The following HIPK1 variants were observed in gnomAD, a reference collection of about 807,000 sequenced individuals.
HIPK1 encodes the protein homeodomain interacting protein kinase 1.
Under a neutral mutation model 117.1 loss-of-function variants are expected in HIPK1, and 28 were observed. The ratio of observed to expected loss-of-function variants is 0.24; its 90% CI spans 0.18 to 0.33. The LOEUF (loss-of-function observed/expected upper bound fraction) is 0.33, where lower values mean the gene tolerates loss of function less well. Among genes scored for constraint, HIPK1 ranks in the 10% least tolerant of loss-of-function variants. HIPK1 has a pLI of 1.00. For missense variants in HIPK1, 1,122 were observed against 1,475.1 expected (o/e 0.76, Z 3.92); for synonymous variants, 605 against 562.5 (o/e 1.08, Z -1.07).
Position 113,970,137 on chromosome 1 carries a change from A to C in HIPK1, c.2953A>C (p.Ile985Leu). The change falls in exon 14 of 16, where the codon ATC (isoleucine) becomes CTC (leucine). Residue 985 changes from isoleucine (I) to leucine (L), a missense_variant. Ile to Leu is a conservative substitution (Grantham distance 5). Around this residue, in one of 6 missense-constraint regions of HIPK1, gnomAD observed 731 missense variants for 860.4 expected, o/e 0.85. Transcript: ENST00000426820. Reference protein sequence around the residue: ...VVADGTGTRTIIVPPLKTQLG... With the variant: ...VVADGTGTRTLIVPPLKTQLG... ...GGCAGATGGCACTGGCACCCGCACT[A>C]TCATTGTGCCTCCACTGAAAACTCA... The C allele has an allele frequency of 6.2e-7, 1 of 1,614,156 alleles. No individual in the cohort carries two copies. Among genetic ancestry groups the C allele is most frequent in the South Asian group, 1.1e-5 (1 of 91,084 alleles).
At chr1:113,933,179 C>G in intron 1 of HIPK1, 3 of 985,152 alleles carry the variant, frequency 3.0e-6, no homozygotes, top group Non-Finnish European at 3.6e-6. Flanking sequence ...GATTTTGATA[C>G]AAAGCAACAG....
Position 113,955,632 on chromosome 1 carries a change from T to G in HIPK1, c.1390T>G (p.Leu464Val), listed in dbSNP as rs1183306641. 6.3e-7 allele frequency: 1 copy of G among 1,595,948 alleles called. No individual in the cohort carries two copies. ...AGCTCGGAAGTACATTTTTAATTGC[T>G]TAGATGACATGGCTCAGGTGAGTAC... ...KEARKYIFNC[L>V]DDMAQVNMST... The change falls in exon 5 of 16, where the codon TTA (leucine) becomes GTA (valine). Residue 464 changes from leucine (L) to valine (V), a missense_variant. Leu to Val is a conservative substitution (Grantham distance 32). Around this residue, in one of 6 missense-constraint regions of HIPK1, gnomAD observed 127 missense variants for 197.9 expected, o/e 0.64. Transcript: ENST00000426820.
chr1:113,941,089 A>T lies in HIPK1; in HGVS notation c.706A>T (p.Ser236Cys), dbSNP rs747566932. ...TGCCAGACAAGGACAGATTGAAGTG[A>T]GCATCCTTTCCCGCCTAAGCAGTGA... is the stretch of plus-strand genomic sequence containing the variant. ...SYARQGQIEV[S>C]ILSRLSSENA... Residue 236 changes from serine (S) to cysteine (C), a missense_variant, in exon 2 of 16, where the codon AGC (serine) becomes TGC (cysteine). Transcript: ENST00000426820. This position sits in a 1 kb window ranked among gnomAD's most constrained non-coding sequence, Gnocchi z 4.9. 2.5e-6 allele frequency: 4 copies of T among 1,614,128 alleles called. No individual in the cohort carries two copies. Among genetic ancestry groups the T allele is most frequent in the Non-Finnish European group, 3.4e-6 (4 of 1,180,058 alleles).
rs771005551 is a variant in HIPK1, at chr1:113,967,756, G to C, written c.2382-10G>C. 5.4e-6 allele frequency: 8 copies of C among 1,477,878 alleles called. No individual in the cohort carries two copies. The African/African-American group carries it at 8.7e-5, about 16-fold the overall frequency. 91.5% of individuals were successfully genotyped at this position (1,477,878 alleles called of 1,614,324 possible). On this transcript the variant is annotated splice_polypyrimidine_tract_variant and intron_variant, in intron 11 of 15. Transcript: ENST00000426820. ...GGAATTCACTCTTCTCTTTCTTTCT[G>C]TTGGTACAGGAATGCCCACTCTCAT...
chr1:113,933,209 G>A, intron 1 of HIPK1: 1 of 985,054 alleles, frequency 1.0e-6, no homozygotes, highest in East Asian at 1.1e-4. Flanking sequence ...CACTGAAGAA[G>A]TGAGCTTTAA....
chr1:113,975,606 A>G lies in HIPK1; in HGVS notation c.*2094A>G, dbSNP rs1335961642. 1 of 152,742 alleles carries G rather than the reference A, an allele frequency of 6.5e-6. No homozygotes were observed. Among genetic ancestry groups the G allele is most frequent in the African/African-American group, 2.4e-5 (1 of 41,440 alleles). The allele number at this position is 152,742 out of a possible 1,614,324, so 9.5% of individuals were successfully genotyped here. ...TTTGCTTGTTGAAAAAAACATGTTA[A>G]CAGATGTGTTTATACCAAAGAGCCT... On this transcript the variant is annotated 3_prime_UTR_variant, in exon 16 of 16. Transcript: ENST00000426820.
At chr1:113,958,871 A>G (rs980727740) in intron 8 of HIPK1, among the ~76,000 whole-genome samples, 2 of 152,210 alleles carry the variant, frequency 1.3e-5, no homozygotes, top group East Asian at 1.9e-4. Flanking sequence ...TATGAATCAT[A>G]TAGTTCCTGC....
rs758217679 is a variant in HIPK1 at position 113,956,808 on chromosome 1, A to G, written c.1589A>G (p.Asn530Ser). ...MTHLLDFPHS[N>S]HVKSCFQNME... ...CACCTTTTGGATTTTCCACATAGCA[A>G]TCAGTGAGTATGGAATATTCTGGGG... The change falls in exon 6 of 16, where the codon AAT (asparagine) becomes AGT (serine). Residue 530 changes from asparagine to serine, a missense_variant. Asn to Ser is a conservative substitution (Grantham distance 46). This residue lies in a region of HIPK1 where 731 missense variants were observed against 860.4 expected (regional missense o/e 0.85). Transcript: ENST00000426820. The G allele has an allele frequency of 3.7e-6, 6 of 1,613,492 alleles. No homozygotes were observed. The highest frequency in any genetic ancestry group is 5.1e-6 in the Non-Finnish European group (6 of 1,179,626).
chr1:113,964,843 T>C (rs577354698), intron 10 of HIPK1, among the ~76,000 whole-genome samples: 1 of 152,356 alleles, frequency 6.6e-6, no homozygotes, highest in African/African-American at 2.4e-5. Context: ...AAGTTTGCAC[T>C]AGCCATTTGC....
chr1:113,964,790 A>C (rs1672341363), intron 10 of HIPK1, among the ~76,000 whole-genome samples: 1 of 152,154 alleles, frequency 6.6e-6, no homozygotes, highest in African/African-American at 2.4e-5. Flanking sequence ...TGTAGTTTCG[A>C]GGTTGGAATG....
At chr1:113,931,656 T>G (rs892288769) in intron 1 of HIPK1, among the ~76,000 whole-genome samples, 1 of 152,224 alleles carries the variant, frequency 6.6e-6, no homozygotes, top group Non-Finnish European at 1.5e-5. Context: ...AAAGAAGAGA[T>G]AATCTCAAAG....
At chr1:113,944,021 G>T (rs1670817905) in intron 2 of HIPK1, among the ~76,000 whole-genome samples, 1 of 151,750 alleles carries the variant, frequency 6.6e-6, no homozygotes. Flanking sequence ...GTGTTTTGAG[G>T]GTCTCATTTT....
intron 1 of HIPK1, among the ~76,000 whole-genome samples, chr1:113,937,965 G>C (rs1234126083): frequency 6.6e-6 from 1 of 151,846 alleles, no homozygotes; most frequent in Non-Finnish European, 1.5e-5. Context: ...AAGGCAGGTT[G>C]AGACAGGTTT....
At chr1:113,952,546 C>T (rs965034567) in intron 2 of HIPK1, among the ~76,000 whole-genome samples, 1 of 152,060 alleles carries the variant, frequency 6.6e-6, no homozygotes, top group Non-Finnish European at 1.5e-5. Context: ...ATAATGTGTA[C>T]TTTGTGTTCT....
chr1:113,960,461 C>T (rs774526530), intron 8 of HIPK1, among the ~76,000 whole-genome samples: 1 of 152,150 alleles, frequency 6.6e-6, no homozygotes, highest in South Asian at 2.1e-4. Context: ...AAATAGATAA[C>T]ACATTTTGCT....
chr1:113,929,506 A>G lies in HIPK1; in HGVS notation c.-29A>G, dbSNP rs1440457411. 7.8e-7 allele frequency: 1 copy of G among 1,287,830 alleles called. No individual in the cohort carries two copies. Among genetic ancestry groups the G allele is most frequent in the Non-Finnish European group, 1.0e-6 (1 of 987,850 alleles). 79.8% of individuals were successfully genotyped at this position (1,287,830 alleles called of 1,614,324 possible). On this transcript the variant is annotated 5_prime_UTR_variant, in exon 1 of 16. Transcript: ENST00000426820. Reference sequence around the variant, plus strand: ...TCAGTACTATGCGATCGTCCTAGAGAGTCCATTCAGCTGCACTTCCGCCTC... The same window carrying G: ...TCAGTACTATGCGATCGTCCTAGAGGGTCCATTCAGCTGCACTTCCGCCTC...
rs181872079 is a variant in HIPK1 at position 113,930,082 on chromosome 1, C to A, written c.-3+550C>A. 2.2e-4 allele frequency: 207 copies of A among 934,076 alleles called. 1 individual carries two copies. In the African/African-American group the frequency reaches 2.9e-3, roughly 13 times the overall value. The allele number at this position is 934,076 out of a possible 1,614,324, so 57.9% of individuals were successfully genotyped here. On this transcript the variant is annotated intron_variant, in intron 1 of 15. Transcript: ENST00000426820. ...TCCTCAAAGGGCCCCTGCCTGGGAC[C>A]GGGCGCCGCGTCTTGCGGCCCGGCC...
At chr1:113,958,752 A>G (rs1671897987) in intron 8 of HIPK1, among the ~76,000 whole-genome samples, 1 of 152,246 alleles carries the variant, frequency 6.6e-6, no homozygotes, top group South Asian at 2.1e-4. Context: ...AAGAATGTGG[A>G]AACATCTTAA....
chr1:113,971,908 C>T lies in HIPK1; in HGVS notation c.3098C>T (p.Ala1033Val), dbSNP rs148680235. ...GCCITPTGYRAQRGGTSAAQP... is the reference protein window; with the variant it reads ...GCCITPTGYRVQRGGTSAAQP... ...TGTATCACCCCCACAGGGTATCGAGCTCAACGCGGGGGGACCAGTGCAGCA... is the reference window on the plus strand; with the variant it reads ...TGTATCACCCCCACAGGGTATCGAGTTCAACGCGGGGGGACCAGTGCAGCA... The change falls in exon 15 of 16, where the codon GCT becomes GTT. Residue 1033 changes from alanine (A) to valine (V), a missense_variant. Physicochemically the swap from Ala to Val is moderately conservative, Grantham distance 64 (BLOSUM62 0). Coordinates refer to ENST00000426820, the MANE Select transcript of HIPK1 (RefSeq NM_198268.3). 1.3e-4 allele frequency: 213 copies of T among 1,607,372 alleles called. No individual in the cohort carries two copies. The highest frequency in any genetic ancestry group is 1.6e-4 in the Non-Finnish European group (190 of 1,177,318).
Sources: allele counts gnomAD v4.1 joint callset (sites outside exome capture counted in the v4.1 genomes callset), GRCh38; gene constraint gnomAD v4.1.1; regional missense constraint gnomAD v4.1.1; non-coding constraint Gnocchi (gnomAD v3.1); transcripts MANE v1.5; gene names NCBI Gene and HGNC (gene_info 2026-07-23, HGNC 2026-07-21).